GABRG3: variants seen among roughly 807,000 people sequenced by gnomAD.
GABRG3 encodes gamma-aminobutyric acid receptor subunit gamma-3.
Under a neutral mutation model 48.8 loss-of-function variants are expected in GABRG3, and 25 were observed. That is an observed-to-expected ratio of 0.51 (90% confidence interval 0.37 to 0.72). The LOEUF is 0.72. Among genes scored for constraint, GABRG3 ranks in the 30% least tolerant of loss-of-function variants. The pLI is 0.00. For missense variants in GABRG3, 394 were observed against 577.9 expected (o/e 0.68, Z 3.26); for synonymous variants, 227 against 217.6 (o/e 1.04, Z -0.38).
intron 3 of GABRG3, among the ~76,000 whole-genome samples, chr15:27,097,856 G>T (rs1357800241): frequency 6.6e-6 from 1 of 151,938 alleles, no homozygotes; most frequent in African/African-American, 2.4e-5. Flanking sequence ...GGAGAATAAG[G>T]ATATCTATGA....
chr15:27,419,604 A>C (rs527431556), intron 5 of GABRG3, among the ~76,000 whole-genome samples: 1 of 152,186 alleles, frequency 6.6e-6, no homozygotes, highest in South Asian at 2.1e-4. Context: ...GAGACTTTCA[A>C]TAACTCCTCC....
intron 3 of GABRG3, among the ~76,000 whole-genome samples, chr15:27,260,259 A>G (rs1001624666): frequency 1.4e-4 from 21 of 152,164 alleles, no homozygotes; most frequent in African/African-American, 4.3e-4. Flanking sequence ...GTGTCCTCAC[A>G]TGGCCTTTTC....
intron 6 of GABRG3, among the ~76,000 whole-genome samples, chr15:27,504,947 A>G (rs1890727842): frequency 6.6e-6 from 1 of 152,154 alleles, no homozygotes; most frequent in African/African-American, 2.4e-5. Flanking sequence ...TTAATATTTT[A>G]CTTTGCCATA....
At chr15:27,079,099 C>T (rs146246007) in intron 3 of GABRG3, among the ~76,000 whole-genome samples, 12 of 152,218 alleles carry the variant, frequency 7.9e-5, no homozygotes, top group African/African-American at 2.9e-4. Flanking sequence ...CCGTTTCCCC[C>T]AGACCCTGCA....
intron 2 of GABRG3, among the ~76,000 whole-genome samples, chr15:27,000,394 A>G (rs772755790): frequency 1.1e-4 from 16 of 152,314 alleles, no homozygotes; most frequent in Middle Eastern, 3.4e-3. Flanking sequence ...ATTACTCCCC[A>G]CTACTGAGTC....
intron 3 of GABRG3, among the ~76,000 whole-genome samples, chr15:27,209,388 CTTTCT>C (rs1165241506): frequency 6.6e-6 from 1 of 151,356 alleles, no homozygotes; most frequent in African/African-American, 2.4e-5. Flanking sequence ...TCTTTTCTTT[CTTTCT>C]TTTCTTTTTT....
At chr15:27,323,196 C>T (rs1372072112) in intron 3 of GABRG3, among the ~76,000 whole-genome samples, 1 of 152,140 alleles carries the variant, frequency 6.6e-6, no homozygotes, top group Non-Finnish European at 1.5e-5. Context: ...GTGGAGGGTC[C>T]TGTAATTCAA....
intron 5 of GABRG3, among the ~76,000 whole-genome samples, chr15:27,416,434 A>C (rs1022913998): frequency 2.6e-5 from 4 of 152,178 alleles, no homozygotes; most frequent in Non-Finnish European, 5.9e-5. Flanking sequence ...GTGTTTGAAC[A>C]GTATCTGCTG....
At chr15:27,379,776 C>T (rs190997725) in intron 5 of GABRG3, among the ~76,000 whole-genome samples, 40 of 152,254 alleles carry the variant, frequency 2.6e-4, no homozygotes, top group Non-Finnish European at 4.6e-4. Flanking sequence ...GAAGAGAAGT[C>T]CAGTGGAACT....
rs1896516298 is a variant in GABRG3 at position 27,054,946 on chromosome 15, G to A, written c.270+28125G>A. Among the ~76,000 whole-genome samples the A allele has an allele frequency of 3.3e-5, 5 of 151,804 alleles. No individual in the cohort carries two copies. The South Asian group carries it at 6.2e-4, about 19-fold the overall frequency. On this transcript the variant is annotated intron_variant, in intron 3 of 9. Coordinates refer to ENST00000615808, the MANE Select transcript of GABRG3 (RefSeq NM_033223.5). ...TGGTTGTCAGCCACAAAGCAAGAGCGTCAAACCTGAGAGTGAAACTGGGCA... is the reference window on the plus strand; with the variant it reads ...TGGTTGTCAGCCACAAAGCAAGAGCATCAAACCTGAGAGTGAAACTGGGCA...
intron 3 of GABRG3, among the ~76,000 whole-genome samples, chr15:27,142,437 G>T (rs1898121842): frequency 6.6e-6 from 1 of 152,106 alleles, no homozygotes; most frequent in African/African-American, 2.4e-5. Context: ...ACGCAAAAGT[G>T]GAAACCCCTG....
At chr15:27,267,327 G>A (rs1445069799) in intron 3 of GABRG3, among the ~76,000 whole-genome samples, 1 of 151,878 alleles carries the variant, frequency 6.6e-6, no homozygotes, top group African/African-American at 2.4e-5. Context: ...GGCTGGTCAC[G>A]AACTGCCAAC....
chr15:27,519,335 A>C (rs1891103263), intron 6 of GABRG3, among the ~76,000 whole-genome samples: 1 of 152,264 alleles, frequency 6.6e-6, no homozygotes, highest in East Asian at 1.9e-4. Flanking sequence ...ATTGCTCCCA[A>C]CTTCTTTATG....
chr15:27,061,324 C>T (rs930657785), intron 3 of GABRG3, among the ~76,000 whole-genome samples: 1 of 152,164 alleles, frequency 6.6e-6, no homozygotes, highest in South Asian at 2.1e-4. Context: ...TGTGAGAACA[C>T]CGCACTGCCT....
chr15:27,218,821 C>T (rs1889353767), intron 3 of GABRG3, among the ~76,000 whole-genome samples: 1 of 152,182 alleles, frequency 6.6e-6, no homozygotes, highest in African/African-American at 2.4e-5. Flanking sequence ...AGGTCACCTT[C>T]CAGAGGAGTC....
rs111961708 is a variant in GABRG3 at position 27,441,535 on chromosome 15, A to G, written c.575-39115A>G. ...TAGTCCCAAGAGGAGCATGATGATCAATCATGTCTCTTCTCCTCTCCTGGC... is the reference window on the plus strand; with the variant it reads ...TAGTCCCAAGAGGAGCATGATGATCGATCATGTCTCTTCTCCTCTCCTGGC... On this transcript the variant is annotated intron_variant, in intron 5 of 9. Transcript: ENST00000615808. Among the ~76,000 whole-genome samples the G allele has an allele frequency of 4.2e-3, 647 of 152,322 alleles. 4 individuals carry two copies. Among genetic ancestry groups the G allele is most frequent in the African/African-American group, 0.014 (600 of 41,572 alleles).
rs1306546952 is a variant in GABRG3 at position 27,533,391 on chromosome 15, C to G, written c.*510C>G. 1.9e-5 allele frequency: 3 copies of G among 154,582 alleles called. No homozygotes were observed. The highest frequency in any genetic ancestry group is 7.2e-5 in the African/African-American group (3 of 41,450). 9.6% of individuals were successfully genotyped at this position (154,582 alleles called of 1,614,324 possible). On this transcript the variant is annotated 3_prime_UTR_variant, in exon 10 of 10. Coordinates refer to ENST00000615808, the MANE Select transcript of GABRG3 (RefSeq NM_033223.5). ...AACAGCAGTGGGTTCCAACCCCAGT[C>G]TCCTTTCTCTGTGGCCTCTCTGGCT...
At chr15:27,142,418 A>G (rs887473910) in intron 3 of GABRG3, among the ~76,000 whole-genome samples, 2 of 152,108 alleles carry the variant, frequency 1.3e-5, no homozygotes, top group African/African-American at 4.8e-5. Context: ...GAGAGAAATG[A>G]TGAGGAAGAC....
intron 5 of GABRG3, among the ~76,000 whole-genome samples, chr15:27,369,587 G>A (rs938662960): frequency 7.9e-5 from 12 of 152,098 alleles, no homozygotes; most frequent in African/African-American, 2.9e-4. Flanking sequence ...GGAGGCCAAG[G>A]TGGGCGGATC....
Sources: allele counts gnomAD v4.1 joint callset (sites outside exome capture counted in the v4.1 genomes callset), GRCh38; gene constraint gnomAD v4.1.1; transcripts MANE v1.5; gene names NCBI Gene and HGNC (gene_info 2026-07-23, HGNC 2026-07-21).